Variants in BTF3L4 observed in about 807,000 individuals in gnomAD.
The protein encoded by BTF3L4 is transcription factor BTF3 homolog 4.
BTF3L4 carries 6 observed loss-of-function variants against 16.8 expected under a neutral mutation model. That is an observed-to-expected ratio of 0.36 (90% CI 0.20 to 0.71). The LOEUF is 0.71. Ranked by LOEUF, BTF3L4 falls within the 30% of genes least tolerant of loss-of-function variation. BTF3L4 has a pLI of 0.58. For synonymous variants in BTF3L4, 39 were observed against 59.8 expected (o/e 0.65, Z 1.60); for missense variants, 92 against 186.9 (o/e 0.49, Z 2.96).
At chr1:52,057,359 C>T (rs1686395498) in intron 1 of BTF3L4, among the ~76,000 whole-genome samples, 1 of 152,168 alleles carries the variant, frequency 6.6e-6, no homozygotes, top group African/African-American at 2.4e-5. Context: ...TCCTTGAGAA[C>T]AGTGCTAAAA....
chr1:52,062,197 CTTTTTT>C (rs34904880), intron 2 of BTF3L4, among the ~76,000 whole-genome samples: 1 of 53,616 alleles, frequency 1.9e-5, no homozygotes, highest in Non-Finnish European at 3.4e-5. Flanking sequence ...CCGCCTCGGC[CTTTTTT>C]TTTTTTTTTT....
intron 3 of BTF3L4, among the ~76,000 whole-genome samples, chr1:52,074,334 G>A (rs1686875199): frequency 6.6e-6 from 1 of 151,554 alleles, no homozygotes; most frequent in South Asian, 2.1e-4. Context: ...AGTAGTAGCC[G>A]GGATTACAGG....
chr1:52,082,729 A>T (rs1203485448), intron 3 of BTF3L4, among the ~76,000 whole-genome samples: 1 of 93,654 alleles, frequency 1.1e-5, no homozygotes, highest in Non-Finnish European at 2.4e-5. Flanking sequence ...ACACAGCGAG[A>T]TTCTGTCTCA....
intron 1 of BTF3L4, among the ~76,000 whole-genome samples, chr1:52,057,434 T>C (rs1298997504): frequency 2.6e-5 from 4 of 152,268 alleles, no homozygotes; most frequent in Non-Finnish European, 5.9e-5. Context: ...TTCTCCCTTT[T>C]GGGCCTAGGA....
intron 3 of BTF3L4, among the ~76,000 whole-genome samples, chr1:52,076,186 G>A (rs993363820): frequency 6.6e-6 from 1 of 152,128 alleles, no homozygotes; most frequent in African/African-American, 2.4e-5. Context: ...TGAGGTGGGA[G>A]AATTGCTTGA....
chr1:52,065,617 A>G (rs1339256099), intron 3 of BTF3L4, among the ~76,000 whole-genome samples: 1 of 152,092 alleles, frequency 6.6e-6, no homozygotes, highest in Non-Finnish European at 1.5e-5. Context: ...ATAGAGGTAG[A>G]CTTTTTTACC....
At chr1:52,060,658 T>C in intron 2 of BTF3L4, 1 of 1,057,048 alleles carries the variant, frequency 9.5e-7, no homozygotes, top group South Asian at 2.8e-5. Flanking sequence ...AGACCTGAAG[T>C]GGTAGGTAGG....
intron 3 of BTF3L4, among the ~76,000 whole-genome samples, chr1:52,080,568 CTG>C (rs1337786358): frequency 1.9e-5 from 2 of 104,026 alleles, no homozygotes; most frequent in African/African-American, 7.5e-5. Flanking sequence ...GAGTCTGACT[CTG>C]TTGCCCAGGC....
At chr1:52,076,426 T>C (rs1394084965) in intron 3 of BTF3L4, among the ~76,000 whole-genome samples, 1 of 151,756 alleles carries the variant, frequency 6.6e-6, no homozygotes, top group East Asian at 1.9e-4. Flanking sequence ...ATACAAAAAT[T>C]AGCTAGGCGT....
chr1:52,066,255 G>A (rs1331828404), intron 3 of BTF3L4, among the ~76,000 whole-genome samples: 1 of 151,924 alleles, frequency 6.6e-6, no homozygotes, highest in Admixed American at 6.5e-5. Flanking sequence ...GTGCAGTGGT[G>A]TGATCTCTGC....
rs1686608144 is a variant in BTF3L4, at chr1:52,064,970, TG to T, written c.168+35del. On this transcript the variant is annotated intron_variant, in intron 3 of 5. Transcript: ENST00000313334. ...TCACTTTGCAAGTTGTTAAATTGTG[TG>T]GGTACATGCACAAATAATTGTCTGG... 4 of 1,317,114 alleles carry T rather than the reference TG, an allele frequency of 3.0e-6. No individual in the cohort carries two copies. In the East Asian group the frequency reaches 7.1e-5, roughly 23 times the overall value. 81.6% of individuals were successfully genotyped at this position (1,317,114 alleles called of 1,614,324 possible). A position where few individuals can be genotyped will look rare whatever the true frequency, so the allele number is the denominator to read the frequency against.
At chr1:52,077,495 T>C (rs974641440) in intron 3 of BTF3L4, among the ~76,000 whole-genome samples, 1 of 152,090 alleles carries the variant, frequency 6.6e-6, no homozygotes, top group African/African-American at 2.4e-5. Context: ...TGAGCAGAGG[T>C]TGAAGTGAGC....
intron 3 of BTF3L4, among the ~76,000 whole-genome samples, chr1:52,073,477 C>G (rs1686846022): frequency 7.6e-6 from 1 of 131,528 alleles, no homozygotes; most frequent in Non-Finnish European, 1.6e-5. Context: ...TATATATGCA[C>G]TATATATATG....
Position 52,090,397 on chromosome 1 carries a change from A to T in BTF3L4, c.*3639A>T, listed in dbSNP as rs910840385. On this transcript the variant is annotated 3_prime_UTR_variant, in exon 6 of 6. Coordinates refer to ENST00000313334, the MANE Select transcript of BTF3L4 (RefSeq NM_152265.5). ...AGTCTCCATTCTACACTGCATTTCA[A>T]CCTGTGTTGAACAACACTCCAGTTC... The T allele has an allele frequency of 6.6e-6, 1 of 152,146 alleles. No homozygotes were observed. The highest frequency in any genetic ancestry group is 1.5e-5 in the Non-Finnish European group (1 of 68,020). The allele number at this position is 152,146 out of a possible 1,614,324, so 9.4% of individuals were successfully genotyped here.
chr1:52,066,451 C>T (rs943318434), intron 3 of BTF3L4, among the ~76,000 whole-genome samples: 1 of 151,708 alleles, frequency 6.6e-6, no homozygotes, highest in Admixed American at 6.6e-5. Flanking sequence ...ATCTGCCCAC[C>T]TTGGCCTCCC....
At chr1:52,060,608 C>T (rs1686484392) in intron 2 of BTF3L4, 2 of 1,116,270 alleles carry the variant, frequency 1.8e-6, no homozygotes, top group Non-Finnish European at 1.1e-6. Context: ...CTGCCCAACA[C>T]AATCTTTGCA....
intron 4 of BTF3L4, among the ~76,000 whole-genome samples, chr1:52,084,660 C>G (rs1199824450): frequency 6.6e-6 from 1 of 151,794 alleles, no homozygotes; most frequent in Non-Finnish European, 1.5e-5. Flanking sequence ...GGTGTGATAG[C>G]ACGTGCCTGT....
In BTF3L4 at chr1:52,083,426, T is replaced by G; in HGVS notation, c.255T>G (p.Ile85Met). 7 of 1,607,168 alleles carry G rather than the reference T, an allele frequency of 4.4e-6. No individual in the cohort carries two copies. The highest frequency in any genetic ancestry group is 1.7e-5 in the Admixed American group (1 of 60,010). ...QASLSANTFA[I>M]TGHAEAKPIT... is the part of the protein sequence containing the mutation. ...CCCTTTCTGCTAATACCTTTGCAAT[T>G]ACTGGTCATGCAGAAGCCAAACCAA... The change falls in exon 4 of 6, where the codon ATT becomes ATG. Residue 85 changes from isoleucine (I) to methionine (M), a missense_variant. Transcript: ENST00000313334.
In BTF3L4 at chr1:52,076,301, C is replaced by T. The variant is rs559131118; in HGVS notation, c.169-7039C>T. 8.1e-5 allele frequency among the ~76,000 whole-genome samples: 12 copies of T among 148,662 alleles called. No individual in the cohort carries two copies. In the South Asian group the frequency reaches 8.7e-4, roughly 11 times the overall value. On this transcript the variant is annotated intron_variant, in intron 3 of 5. Transcript: ENST00000313334. Reference sequence around the variant, plus strand: ...AAAAAAAAGAAAGAAAAAGGCTGGGCGCAGTGGCTCACACCTGTAATCCGA... The same window carrying T: ...AAAAAAAAGAAAGAAAAAGGCTGGGTGCAGTGGCTCACACCTGTAATCCGA...
Sources: allele counts gnomAD v4.1 joint callset (sites outside exome capture counted in the v4.1 genomes callset), GRCh38; gene constraint gnomAD v4.1.1; transcripts MANE v1.5; gene names NCBI Gene and HGNC (gene_info 2026-07-23, HGNC 2026-07-21).